RGPD8: variants seen among roughly 807,000 people sequenced by gnomAD.
The protein encoded by RGPD8 is RANBP2 like and GRIP domain containing 8, also known as RANBP2-like and GRIP domain-containing protein 8.
In RGPD8, 15 loss-of-function variants were observed where a neutral mutation model predicts 89.1. The observed-to-expected ratio is 0.17, with a 90% CI of 0.11 to 0.26. RGPD8 has a LOEUF of 0.26. Ranked by LOEUF, RGPD8 falls within the 10% of genes least tolerant of loss-of-function variation. RGPD8 has a pLI of 1.00. For missense variants in RGPD8, 178 were observed against 1,179.6 expected (o/e 0.15, Z 12.44); for synonymous variants, 62 against 420.9 (o/e 0.15, Z 10.44).
chr2:112,419,654 C>CTT (rs1346271626), intron 4 of RGPD8, among the ~76,000 whole-genome samples: 1 of 151,202 alleles, frequency 6.6e-6, no homozygotes, highest in African/African-American at 2.4e-5. Flanking sequence ...TAAAGAAAAT[C>CTT]TTTAAAGAGT....
chr2:112,427,781 T>A (rs1243446235), intron 1 of RGPD8, among the ~76,000 whole-genome samples: 2 of 151,956 alleles, frequency 1.3e-5, no homozygotes, highest in Non-Finnish European at 2.9e-5. Flanking sequence ...CAGCTCCAAA[T>A]CTGTGGAGTC....
intron 1 of RGPD8, among the ~76,000 whole-genome samples, chr2:112,425,494 TCACACCTGTAATC>T (rs1483013938): frequency 4.6e-5 from 7 of 152,064 alleles, no homozygotes; most frequent in Non-Finnish European, 1.0e-4. Flanking sequence ...GTGCGGTGGC[TCACACCTGTAATC>T]CCAGCACTTT....
intron 22 of RGPD8, among the ~76,000 whole-genome samples, chr2:112,375,025 G>A (rs1678085112): frequency 7.6e-6 from 1 of 132,142 alleles, no homozygotes; most frequent in Non-Finnish European, 1.7e-5. Context: ...ACCATGCCCG[G>A]CTAATTTTTG....
At chr2:112,432,423 G>C in intron 1 of RGPD8, 1 of 939,758 alleles carries the variant, frequency 1.1e-6, no homozygotes, top group Non-Finnish European at 1.3e-6. Flanking sequence ...AGTGGAGCTG[G>C]ACCCTTACAA....
chr2:112,382,206 C>A (rs1678329893), intron 20 of RGPD8, among the ~76,000 whole-genome samples: 1 of 152,308 alleles, frequency 6.6e-6, no homozygotes, highest in Non-Finnish European at 1.5e-5. Context: ...CCTCAGTCTG[C>A]AGATGGCCTA....
At chr2:112,374,712 A>G (rs1421281864) in intron 22 of RGPD8, among the ~76,000 whole-genome samples, 1 of 132,030 alleles carries the variant, frequency 7.6e-6, no homozygotes, top group African/African-American at 2.6e-5. Context: ...CATTCTCTTC[A>G]TATATTATCT....
intron 1 of RGPD8, among the ~76,000 whole-genome samples, chr2:112,431,950 T>C (rs1351582868): frequency 6.6e-6 from 1 of 152,212 alleles, no homozygotes; most frequent in Non-Finnish European, 1.5e-5. Context: ...AATATCCTTT[T>C]AACATCAACA....
intron 22 of RGPD8, among the ~76,000 whole-genome samples, chr2:112,371,049 A>C (rs1255178503): frequency 6.6e-6 from 1 of 151,368 alleles, no homozygotes; most frequent in African/African-American, 2.4e-5. Context: ...TGACGATAAG[A>C]GGATTTTAAA....
intron 7 of RGPD8, among the ~76,000 whole-genome samples, chr2:112,410,956 G>A (rs1182728095): frequency 2.6e-5 from 4 of 152,340 alleles, no homozygotes; most frequent in Non-Finnish European, 4.4e-5. Context: ...GTGGTGGCGT[G>A]TGCCTGTAAT....
At chr2:112,430,747 G>A (rs901220756) in intron 1 of RGPD8, among the ~76,000 whole-genome samples, 3 of 151,776 alleles carry the variant, frequency 2.0e-5, no homozygotes, top group African/African-American at 7.3e-5. Flanking sequence ...GATCACTTGA[G>A]CCCAGGAGTT....
chr2:112,374,508 G>C (rs1412542226), intron 22 of RGPD8, among the ~76,000 whole-genome samples: 9 of 141,060 alleles, frequency 6.4e-5, no homozygotes, highest in African/African-American at 2.3e-4. Context: ...ATGCTGTTGA[G>C]AAGTCTATTG....
chr2:112,410,322 C>G (rs1178805143), intron 7 of RGPD8, among the ~76,000 whole-genome samples: 1 of 146,664 alleles, frequency 6.8e-6, no homozygotes, highest in Non-Finnish European at 1.5e-5. Flanking sequence ...TAAGAACTAT[C>G]AGTTACTTGA....
intron 19 of RGPD8, among the ~76,000 whole-genome samples, 171 bp from the exon 20 acceptor site, chr2:112,390,418 T>TAA (rs1211119994): frequency 7.3e-6 from 1 of 136,328 alleles, no homozygotes; most frequent in African/African-American, 2.7e-5. Context: ...GGCACTGTTC[T>TAA]AAGCACTTTA....
At chr2:112,379,762 G>C (rs1408356072) in intron 21 of RGPD8, among the ~76,000 whole-genome samples, 4 of 143,356 alleles carry the variant, frequency 2.8e-5, no homozygotes, top group Non-Finnish European at 6.2e-5. Flanking sequence ...ACAATTTACT[G>C]AAAATAACTG....
At chr2:112,413,468 T>C (rs1184337821) in intron 6 of RGPD8, among the ~76,000 whole-genome samples, 2 of 104,354 alleles carry the variant, frequency 1.9e-5, no homozygotes, top group Admixed American at 9.9e-5. Flanking sequence ...TAAATCCTAA[T>C]GTTTCTCCAA....
chr2:112,430,054 G>C (rs531998331), intron 1 of RGPD8, among the ~76,000 whole-genome samples: 3 of 152,316 alleles, frequency 2.0e-5, no homozygotes, highest in African/African-American at 7.2e-5. Flanking sequence ...TCGGATTACA[G>C]ACGAAGAATA....
At chr2:112,427,776 C>A (rs1488807929) in intron 1 of RGPD8, among the ~76,000 whole-genome samples, 6 of 152,040 alleles carry the variant, frequency 3.9e-5, no homozygotes, top group Non-Finnish European at 5.9e-5. Context: ...CTGATCAGCT[C>A]CAAATCTGTG....
intron 4 of RGPD8, among the ~76,000 whole-genome samples, chr2:112,420,636 TGAC>T (rs1679538266): frequency 1.3e-5 from 1 of 76,564 alleles, no homozygotes; most frequent in Non-Finnish European, 2.7e-5. Flanking sequence ...CATTTCATGA[TGAC>T]ATTTACATAA....
At position 112,433,436 on chromosome 2, in the gene RGPD8, G is replaced by C; in HGVS notation, c.18C>G (p.Ala6=). The C allele has an allele frequency of 6.2e-7, 1 of 1,609,092 alleles. No homozygotes were observed. The highest frequency in any genetic ancestry group is 8.5e-7 in the Non-Finnish European group (1 of 1,178,720). MRRSK[A]DVERYVASVL... ...CCGAGGCGACGTACCGCTCCACATC[G>C]GCCTTGCTGCGCCTCATCGCGCCGC... Residue 6 remains alanine, a synonymous_variant, in exon 1 of 23, where the codon GCC becomes GCG. Coordinates refer to ENST00000302558, the MANE Select transcript of RGPD8 (RefSeq NM_001164463.1).
Sources: allele counts gnomAD v4.1 joint callset (sites outside exome capture counted in the v4.1 genomes callset), GRCh38; gene constraint gnomAD v4.1.1; transcripts MANE v1.5; gene names NCBI Gene and HGNC (gene_info 2026-07-23, HGNC 2026-07-21).